Variants in PDE1C observed in about 807,000 individuals in gnomAD.
PDE1C encodes the protein phosphodiesterase 1C, also known as dual specificity calcium/calmodulin-dependent 3',5'-cyclic nucleotide phosphodiesterase 1C.
A neutral mutation model predicts 93.1 loss-of-function variants in PDE1C; 62 were observed. That is an observed-to-expected ratio of 0.67 (90% CI 0.54 to 0.82). The LOEUF is 0.82. Among genes scored for constraint, PDE1C ranks in the 40% least tolerant of loss-of-function variants. The probability of loss-of-function intolerance (pLI) is 0.00; values close to 1 mark genes in which losing one functional copy is unlikely to be tolerated. For missense variants in PDE1C, 742 were observed against 884.6 expected (o/e 0.84, Z 2.04); for synonymous variants, 325 against 310.1 (o/e 1.05, Z -0.50).
chr7:32,253,420 C>G (rs765428618), intron 1 of PDE1C, among the ~76,000 whole-genome samples: 1 of 152,152 alleles, frequency 6.6e-6, no homozygotes, highest in East Asian at 1.9e-4. Flanking sequence ...CAGCCTTACG[C>G]GCCTTCCAGA....
At chr7:32,331,429 C>T (rs148259733) in intron 1 of PDE1C, among the ~76,000 whole-genome samples, 2 of 152,280 alleles carry the variant, frequency 1.3e-5, no homozygotes, top group African/African-American at 4.8e-5. Context: ...CATGTCATTA[C>T]AAATTGCGAT....
chr7:31,765,468 TAAC>T (rs1287107299), intron 17 of PDE1C, among the ~76,000 whole-genome samples: 1 of 152,194 alleles, frequency 6.6e-6, no homozygotes, highest in South Asian at 2.1e-4. Flanking sequence ...GTATTTTTCT[TAAC>T]AACGTGTGCA....
the PDE1C span, among the ~76,000 whole-genome samples, chr7:31,681,477 T>A: frequency 6.6e-6 from 1 of 152,188 alleles, no homozygotes; most frequent in Non-Finnish European, 1.5e-5. Context: ...AAACCATCTC[T>A]CCTTTCTTCA....
chr7:32,160,398 A>G (rs1801841632), intron 3 of PDE1C, among the ~76,000 whole-genome samples: 1 of 152,266 alleles, frequency 6.6e-6, no homozygotes, highest in Non-Finnish European at 1.5e-5. Context: ...GGGTATTGAC[A>G]AAGTTGCAGC....
the PDE1C span, among the ~76,000 whole-genome samples, chr7:31,681,370 CGGATGGATGGATGGATGGATGGAT>C: frequency 5.7e-5 from 3 of 52,686 alleles, no homozygotes; most frequent in East Asian, 6.6e-4. Flanking sequence ...GATGGATGGA[CGGATGGATGGATGGATGGATGGAT>C]GGATGGATGG....
At chr7:32,257,840 A>G (rs1002233422) in intron 1 of PDE1C, among the ~76,000 whole-genome samples, 4 of 152,190 alleles carry the variant, frequency 2.6e-5, no homozygotes, top group South Asian at 2.1e-4. Context: ...GCCACATTTT[A>G]TCTCTGGGAG....
the PDE1C span, among the ~76,000 whole-genome samples, chr7:31,635,876 C>T: frequency 1.3e-5 from 2 of 152,190 alleles, no homozygotes; most frequent in South Asian, 4.2e-4. Context: ...ACCACCATGG[C>T]ACAAGTTTAC....
chr7:32,290,292 G>T, intron 1 of PDE1C, among the ~76,000 whole-genome samples: 1 of 152,188 alleles, frequency 6.6e-6, no homozygotes, highest in East Asian at 1.9e-4. Context: ...GTGCCAGAAT[G>T]CTACATAAGT....
At chr7:31,880,503 A>G (rs549770714) in intron 3 of PDE1C, among the ~76,000 whole-genome samples, 1 of 152,296 alleles carries the variant, frequency 6.6e-6, no homozygotes, top group Admixed American at 6.5e-5. Flanking sequence ...CTCCTCTTTC[A>G]TGATCTCACT....
At chr7:32,206,372 C>T (rs1805528463) in intron 2 of PDE1C, among the ~76,000 whole-genome samples, 1 of 152,114 alleles carries the variant, frequency 6.6e-6, no homozygotes, top group South Asian at 2.1e-4. Flanking sequence ...CCCATGGGCT[C>T]AAGGAGCTGA....
chr7:31,845,775 G>A (rs983245724), intron 9 of PDE1C, among the ~76,000 whole-genome samples: 5 of 152,158 alleles, frequency 3.3e-5, no homozygotes, highest in Non-Finnish European at 5.9e-5. Context: ...TGGGTCATTT[G>A]AGGTAAGGAG....
At chr7:31,840,729 T>C (rs1166388961) in intron 9 of PDE1C, among the ~76,000 whole-genome samples, 1 of 152,188 alleles carries the variant, frequency 6.6e-6, no homozygotes, top group Non-Finnish European at 1.5e-5. Flanking sequence ...CATAAATCAA[T>C]TGATGAGTCA....
At chr7:31,727,427 C>T in the PDE1C span, among the ~76,000 whole-genome samples, 6 of 152,158 alleles carry the variant, frequency 3.9e-5, no homozygotes, top group Non-Finnish European at 7.3e-5. Flanking sequence ...TAATGATAGA[C>T]CTTCAGTTAT....
chr7:32,086,614 G>A (rs931421005), intron 3 of PDE1C, among the ~76,000 whole-genome samples: 13 of 151,974 alleles, frequency 8.6e-5, no homozygotes, highest in Admixed American at 3.3e-4. Flanking sequence ...ATACTACAAG[G>A]CTACAGTAAC....
chr7:31,873,166 G>A, intron 6 of PDE1C, 126 bp downstream of exon 6: 1 of 626,296 alleles, frequency 1.6e-6, no homozygotes, highest in South Asian at 2.1e-5. Flanking sequence ...CTATCCGAAG[G>A]ATGCTTCCTC....
chr7:31,686,331 C>A, the PDE1C span, among the ~76,000 whole-genome samples: 1 of 152,166 alleles, frequency 6.6e-6, no homozygotes, highest in African/African-American at 2.4e-5. Flanking sequence ...AACATAGAAC[C>A]TTCCTCTCCA....
At chr7:31,675,469 C>A in the PDE1C span, among the ~76,000 whole-genome samples, 1 of 152,062 alleles carries the variant, frequency 6.6e-6, no homozygotes, top group Non-Finnish European at 1.5e-5. Flanking sequence ...TGGCTTGCCC[C>A]AACATCCCCC....
At chr7:31,765,229 C>T (rs1306338601) in intron 17 of PDE1C, among the ~76,000 whole-genome samples, 1 of 152,092 alleles carries the variant, frequency 6.6e-6, no homozygotes, top group Non-Finnish European at 1.5e-5. Flanking sequence ...CGATGGCTTC[C>T]TATCAAATGC....
chr7:31,771,918 T>C (rs759304267), intron 17 of PDE1C, among the ~76,000 whole-genome samples: 5 of 151,712 alleles, frequency 3.3e-5, no homozygotes, highest in Admixed American at 6.6e-5. Context: ...TGGTGGTGGG[T>C]GCCTGTAGTC....
Sources: gnomAD v4.1 joint callset for allele counts (sites outside exome capture counted in the v4.1 genomes callset) on GRCh38, gnomAD v4.1.1 for gene constraint, MANE v1.5 for transcripts, NCBI Gene and HGNC (gene_info 2026-07-23, HGNC 2026-07-21) for gene names.